Variants in VPS13A observed in about 807,000 individuals in gnomAD.
VPS13A encodes the protein intermembrane lipid transfer protein VPS13A.
In VPS13A, 264 loss-of-function variants were observed where a neutral mutation model predicts 390.9. The observed-to-expected ratio is 0.68, with a 90% CI of 0.61 to 0.75. The LOEUF (loss-of-function observed/expected upper bound fraction) is 0.75. VPS13A is among the 30% of genes least tolerant of loss of function. The pLI, the probability that VPS13A is intolerant of heterozygous loss-of-function variation, is 0.00. For synonymous variants in VPS13A, 1,231 were observed against 1,227.1 expected, an observed-to-expected ratio of 1.00 and a Z score of -0.07; for missense variants, 3,409 against 3,733.9, an observed-to-expected ratio of 0.91 and a Z score of 2.27.
intron 21 of VPS13A, among the ~76,000 whole-genome samples, chr9:77,250,494 C>G (rs541383758): frequency 2.6e-5 from 4 of 152,208 alleles, no homozygotes; most frequent in African/African-American, 9.6e-5. Flanking sequence ...GTGAGGGATA[C>G]TACTAAGCAT....
chr9:77,378,432 TATTG>T (rs1833232329), intron 67 of VPS13A, among the ~76,000 whole-genome samples: 2 of 152,162 alleles, frequency 1.3e-5, no homozygotes, highest in African/African-American at 4.8e-5. Flanking sequence ...GATATATATT[TATTG>T]ATCATAGTAA....
In VPS13A at chr9:77,204,970, T is replaced by A. The variant is rs564614566; in HGVS notation, c.188-343T>A. Among the ~76,000 whole-genome samples, 613 of 152,194 alleles carry A rather than the reference T, an allele frequency of 4.0e-3. 1 individual carries two copies. Among genetic ancestry groups the A allele is most frequent in the Non-Finnish European group, 6.0e-3 (405 of 68,000 alleles). On this transcript the variant is annotated intron_variant, in intron 3 of 71. Coordinates refer to ENST00000360280, the MANE Select transcript of VPS13A (RefSeq NM_033305.3). ...AGCATTAAAAAATATAGGTTTAGAGTAAGAACTGGGGAAATTCAAAGTTAT... is the reference window on the plus strand; with the variant it reads ...AGCATTAAAAAATATAGGTTTAGAGAAAGAACTGGGGAAATTCAAAGTTAT...
intron 3 of VPS13A, among the ~76,000 whole-genome samples, chr9:77,204,112 C>T (rs1825494574): frequency 6.6e-6 from 1 of 152,052 alleles, no homozygotes; most frequent in South Asian, 2.1e-4. Flanking sequence ...TTGAAGTTTT[C>T]TACACATGGA....
intron 39 of VPS13A, among the ~76,000 whole-genome samples, 183 bp downstream of exon 39, chr9:77,316,589 A>G (rs1829403472): frequency 6.6e-6 from 1 of 152,008 alleles, no homozygotes; most frequent in Admixed American, 6.6e-5. Context: ...ATTCTTCCAG[A>G]TGCTGCTCAT....
At chr9:77,401,134 C>G (rs1011475560) in intron 68 of VPS13A, among the ~76,000 whole-genome samples, 1 of 152,180 alleles carries the variant, frequency 6.6e-6, no homozygotes, top group African/African-American at 2.4e-5. Context: ...TACTTTACCA[C>G]CACCAAACTA....
chr9:77,231,849 C>G (rs1412757778), intron 17 of VPS13A, among the ~76,000 whole-genome samples: 2 of 152,118 alleles, frequency 1.3e-5, no homozygotes, highest in African/African-American at 4.8e-5. Context: ...AACGTCTACT[C>G]CAGTATTTTC....
chr9:77,282,082 A>T (rs1298594012), intron 28 of VPS13A, 39 bp from the exon 29 acceptor site: 1 of 1,603,210 alleles, frequency 6.2e-7, no homozygotes, highest in Non-Finnish European at 8.5e-7. Flanking sequence ...GCAAGCAAAT[A>T]TTTATTGACC....
chr9:77,223,721 A>AT (rs58180315), intron 13 of VPS13A, among the ~76,000 whole-genome samples: 1 of 35,452 alleles, frequency 2.8e-5, no homozygotes, highest in African/African-American at 8.8e-5. Flanking sequence ...TCTCTATAAC[A>AT]AAAGTATAAG....
At chr9:77,251,573 A>T (rs1443232956) in intron 21 of VPS13A, among the ~76,000 whole-genome samples, 1 of 152,070 alleles carries the variant, frequency 6.6e-6, no homozygotes, top group Non-Finnish European at 1.5e-5. Context: ...GTATTTGTGA[A>T]TGTATTTTTT....
chr9:77,349,139 C>T (rs147520475), intron 52 of VPS13A, among the ~76,000 whole-genome samples: 2 of 152,076 alleles, frequency 1.3e-5, no homozygotes, highest in African/African-American at 4.8e-5. Context: ...GGACCATAAT[C>T]CCTGTAATCC....
At chr9:77,397,950 A>G (rs956273340) in intron 68 of VPS13A, among the ~76,000 whole-genome samples, 14 of 152,216 alleles carry the variant, frequency 9.2e-5, no homozygotes, top group Non-Finnish European at 1.6e-4. Context: ...TGAGGCTAAC[A>G]TGTCTAAAGT....
At chr9:77,329,183 G>T (rs547160706) in intron 45 of VPS13A, among the ~76,000 whole-genome samples, 3 of 152,148 alleles carry the variant, frequency 2.0e-5, no homozygotes, top group Non-Finnish European at 2.9e-5. Flanking sequence ...TAGCCAAACT[G>T]TATCATATCC....
At chr9:77,229,810 G>A (rs1587375888) in intron 17 of VPS13A, among the ~76,000 whole-genome samples, 1 of 152,116 alleles carries the variant, frequency 6.6e-6, no homozygotes, top group Non-Finnish European at 1.5e-5. Flanking sequence ...TGTCTCATAT[G>A]CTAATACTAT....
chr9:77,284,851 G>A (rs1218239793), intron 31 of VPS13A, among the ~76,000 whole-genome samples: 2 of 151,610 alleles, frequency 1.3e-5, no homozygotes, highest in Non-Finnish European at 2.9e-5. Context: ...TTACAGGTGC[G>A]CACAACCACA....
At chr9:77,252,148 T>C in intron 21 of VPS13A, 87 bp from the exon 22 acceptor site, 2 of 1,077,728 alleles carry the variant, frequency 1.9e-6, no homozygotes, top group Non-Finnish European at 2.9e-6. Flanking sequence ...CCTCATATAA[T>C]GGAATGTGTG....
At chr9:77,184,890 C>G (rs1298997073) in intron 1 of VPS13A, among the ~76,000 whole-genome samples, 1 of 152,154 alleles carries the variant, frequency 6.6e-6, no homozygotes, top group Non-Finnish European at 1.5e-5. Context: ...CTCCCCACCA[C>G]CTTACTTTGC....
chr9:77,409,561 G>C (rs894596413), intron 71 of VPS13A, among the ~76,000 whole-genome samples: 7 of 152,086 alleles, frequency 4.6e-5, no homozygotes, highest in Admixed American at 2.0e-4. Flanking sequence ...AAAAAAATTA[G>C]ATGAATGGCT....
At chr9:77,393,357 A>G (rs907585994) in intron 68 of VPS13A, among the ~76,000 whole-genome samples, 2 of 152,144 alleles carry the variant, frequency 1.3e-5, no homozygotes, top group Non-Finnish European at 2.9e-5. Context: ...GATGGTTGCA[A>G]TCCACTTTTT....
At position 77,419,658 on chromosome 9, in the gene VPS13A, G is replaced by C. The variant is rs1835285488; in HGVS notation, c.*3652G>C. 6.6e-6 allele frequency: 1 copy of C among 152,040 alleles called. No homozygotes were observed. Among genetic ancestry groups the C allele is most frequent in the South Asian group, 2.1e-4 (1 of 4,824 alleles). 9.4% of individuals were successfully genotyped at this position (152,040 alleles called of 1,614,324 possible). On this transcript the variant is annotated 3_prime_UTR_variant, in exon 72 of 72. Transcript: ENST00000360280. ...ACATGATTCAGTGGGACCAGAAAAA[G>C]CATAGAAAAATTAGATCCACACACA... is the stretch of plus-strand genomic sequence containing the variant.
Sources: allele counts gnomAD v4.1 joint callset (sites outside exome capture counted in the v4.1 genomes callset), GRCh38; gene constraint gnomAD v4.1.1; transcripts MANE v1.5; gene names NCBI Gene and HGNC (gene_info 2026-07-23, HGNC 2026-07-21).